Variants in L3MBTL1 observed in about 807,000 individuals in gnomAD.
The protein encoded by L3MBTL1 is lethal(3)malignant brain tumor-like protein 1.
L3MBTL1 carries 75 observed loss-of-function variants against 105.3 expected under a neutral mutation model. The ratio of observed to expected loss-of-function variants is 0.71; its 90% CI spans 0.59 to 0.86. The LOEUF (loss-of-function observed/expected upper bound fraction) is 0.86, where lower values mean the gene tolerates loss of function less well. Ranked by LOEUF, L3MBTL1 falls within the 40% of genes least tolerant of loss-of-function variation. L3MBTL1 has a pLI of 0.00. For missense variants in L3MBTL1, 1,069 were observed against 1,126.4 expected, an observed-to-expected ratio of 0.95 and a Z score of 0.73; for synonymous variants, 452 against 436.2, an observed-to-expected ratio of 1.04 and a Z score of -0.45.
Position 43,513,834 on chromosome 20 carries a change from A to G in L3MBTL1, c.137-4A>G, listed in dbSNP as rs1362315154. Reference sequence around the variant, plus strand: ...GTCGTGTCTATTTGTATATCTGTTTACAGCCAGTTCGGCCACCCTCGGCCT... The same window carrying G: ...GTCGTGTCTATTTGTATATCTGTTTGCAGCCAGTTCGGCCACCCTCGGCCT... On this transcript the variant is annotated splice_polypyrimidine_tract_variant and splice_region_variant and intron_variant, in intron 2 of 21. Transcript: ENST00000418998. 3 of 1,550,580 alleles carry G rather than the reference A, an allele frequency of 1.9e-6. No homozygotes were observed. The highest frequency in any genetic ancestry group is 1.7e-6 in the Non-Finnish European group (2 of 1,146,938).
rs772592554 is a variant in L3MBTL1, at chr20:43,514,107, G to T, written c.360+46G>T. ...GCTAAGCCTCGTAAACCGCAGCCAT[G>T]GGGCGGGGCTTGCAGGCCCGGAGGC... On this transcript the variant is annotated intron_variant, in intron 3 of 21. Transcript: ENST00000418998. 12 of 1,475,952 alleles carry T rather than the reference G, an allele frequency of 8.1e-6. 1 individual carries two copies. The highest frequency in any genetic ancestry group is 4.7e-4 in the Middle Eastern group (2 of 4,264). The allele number at this position is 1,475,952 out of a possible 1,614,324, so 91.4% of individuals were successfully genotyped here.
Position 43,536,082 on chromosome 20 carries a change from T to A in L3MBTL1, c.1926-15T>A, listed in dbSNP as rs3746528. ...ACCAGTGGATTAAACCCAACTGAAG[T>A]CTCTTCTTCCCCAGGAAGTGCCCCA... On this transcript the variant is annotated splice_polypyrimidine_tract_variant and intron_variant, in intron 17 of 21. Transcript: ENST00000418998. 5.0e-6 allele frequency: 8 copies of A among 1,611,888 alleles called. No individual in the cohort carries two copies. Among genetic ancestry groups the A allele is most frequent in the Non-Finnish European group, 6.8e-6 (8 of 1,179,798 alleles).
At chr20:43,536,893 T>C (rs934178293) in intron 19 of L3MBTL1, among the ~76,000 whole-genome samples, 8 of 152,340 alleles carry the variant, frequency 5.3e-5, no homozygotes, top group African/African-American at 1.9e-4. Flanking sequence ...CCATTGTCAA[T>C]ACCTGAAATA....
downstream of L3MBTL1, among the ~76,000 whole-genome samples, chr20:43,542,566 G>A (rs757219452): frequency 1.4e-4 from 20 of 144,000 alleles, no homozygotes; most frequent in Non-Finnish European, 1.5e-5. Context: ...TTCAATCAAG[G>A]TACAGACATT....
chr20:43,515,590 A>C, intron 6 of L3MBTL1, 175 bp downstream of exon 6: 1 of 722,986 alleles, frequency 1.4e-6, no homozygotes, highest in South Asian at 2.0e-5. Context: ...GTTAAAGGGA[A>C]ATGAATTAAT....
intron 1 of L3MBTL1, among the ~76,000 whole-genome samples, chr20:43,511,651 T>C (rs1394022954): frequency 6.6e-6 from 1 of 151,896 alleles, no homozygotes; most frequent in Non-Finnish European, 1.5e-5. Flanking sequence ...CTATGTGGTA[T>C]GTGCCTGTAA....
At position 43,533,369 on chromosome 20, in the gene L3MBTL1, C is replaced by G. The variant is rs1182071402; in HGVS notation, c.1464C>G (p.His488Gln). The G allele has an allele frequency of 6.2e-7, 1 of 1,613,944 alleles. No individual in the cohort carries two copies. The highest frequency in any genetic ancestry group is 1.1e-5 in the South Asian group (1 of 91,046). Reference sequence around the variant, plus strand: ...GTGATCCCAGCAGCCCCTACATCCACCCAGTGGGCTGGTGCCAGAAGCAAG... The same window carrying G: ...GTGATCCCAGCAGCCCCTACATCCAGCCAGTGGGCTGGTGCCAGAAGCAAG... ...YWCDPSSPYI[H>Q]PVGWCQKQGK... The change falls in exon 13 of 22, where the codon CAC becomes CAG. Residue 488 changes from histidine to glutamine, a missense_variant. His to Gln is a conservative substitution (Grantham distance 24, BLOSUM62 0). Coordinates refer to ENST00000418998, the MANE Select transcript of L3MBTL1 (RefSeq NM_001377303.1).
At chr20:43,518,984 C>G (rs559079895) in intron 7 of L3MBTL1, among the ~76,000 whole-genome samples, 1 of 150,190 alleles carries the variant, frequency 6.7e-6, no homozygotes, top group Admixed American at 6.7e-5. Context: ...CGAGATTGCG[C>G]CACTGCACTC....
At chr20:43,542,360 G>T (rs1340084837), downstream of L3MBTL1, among the ~76,000 whole-genome samples, 1 of 152,124 alleles carries the variant, frequency 6.6e-6, no homozygotes, top group African/African-American at 2.4e-5. Flanking sequence ...CCTCTGTGTT[G>T]GTGATCTTCT....
chr20:43,515,655 T>C (rs940076520), intron 6 of L3MBTL1: 1 of 533,810 alleles, frequency 1.9e-6, no homozygotes, highest in Non-Finnish European at 3.3e-6. Flanking sequence ...GGTTAAGACA[T>C]AGTCAGGTGA....
intron 11 of L3MBTL1, 186 bp downstream of exon 11, chr20:43,531,075 T>G (rs2019313042): frequency 1.7e-6 from 1 of 589,318 alleles, no homozygotes; most frequent in Non-Finnish European, 3.0e-6. Context: ...GGAAGCTGGT[T>G]ATAGGTTTTT....
intron 7 of L3MBTL1, among the ~76,000 whole-genome samples, chr20:43,521,020 A>G (rs1489665077): frequency 1.3e-5 from 2 of 152,252 alleles, no homozygotes; most frequent in Non-Finnish European, 1.5e-5. Flanking sequence ...ACAATAGACT[A>G]TAACATTTTG....
intron 7 of L3MBTL1, among the ~76,000 whole-genome samples, chr20:43,524,467 G>T (rs2018909761): frequency 1.3e-5 from 2 of 152,156 alleles, no homozygotes; most frequent in Non-Finnish European, 2.9e-5. Context: ...TGCAGAAATA[G>T]ATATGTCAAC....
intron 7 of L3MBTL1, among the ~76,000 whole-genome samples, chr20:43,522,091 T>C (rs1040278620): frequency 6.6e-6 from 1 of 152,206 alleles, no homozygotes; most frequent in African/African-American, 2.4e-5. Context: ...GTGCAGTGGC[T>C]CACGCCTATA....
chr20:43,535,788 T>TC, intron 16 of L3MBTL1, 49 bp from the exon 17 acceptor site: 1 of 1,268,166 alleles, frequency 7.9e-7, no homozygotes. Context: ...TGCCCCACAC[T>TC]CCCCACCCCC....
downstream of L3MBTL1, among the ~76,000 whole-genome samples, chr20:43,542,188 C>T (rs1272743872): frequency 6.6e-6 from 1 of 152,192 alleles, no homozygotes; most frequent in Admixed American, 6.5e-5. Context: ...CCGGTCTGGG[C>T]AACAGAACGA....
intron 11 of L3MBTL1, 95 bp downstream of exon 11, chr20:43,530,984 GT>G: frequency 1.0e-6 from 1 of 983,912 alleles, no homozygotes; most frequent in Admixed American, 2.5e-5. Flanking sequence ...GGGAGCTCAT[GT>G]GCTGGTTCTC....
chr20:43,540,888 C>T (rs2145494982), intron 21 of L3MBTL1, 46 bp from the exon 22 acceptor site: 2 of 1,612,282 alleles, frequency 1.2e-6, no homozygotes, highest in Admixed American at 1.7e-5. Context: ...CAGGTGCCCT[C>T]CCCAGCGTCA....
intron 16 of L3MBTL1, 55 bp downstream of exon 16, chr20:43,534,997 C>G: frequency 7.8e-7 from 1 of 1,289,034 alleles, no homozygotes; most frequent in South Asian, 1.3e-5. Flanking sequence ...TTCTGACAAT[C>G]CTATAGTTTG....
Sources: allele counts gnomAD v4.1 joint callset (sites outside exome capture counted in the v4.1 genomes callset), GRCh38; gene constraint gnomAD v4.1.1; transcripts MANE v1.5; gene names NCBI Gene and HGNC (gene_info 2026-07-23, HGNC 2026-07-21).